Variants in SYCP1 observed in about 807,000 individuals in gnomAD.
The protein encoded by SYCP1 is cancer/testis antigen 8.
SYCP1 carries 64 observed loss-of-function variants against 153.1 expected under a neutral mutation model. That is an observed-to-expected ratio of 0.42 (90% confidence interval 0.34 to 0.51). The LOEUF (loss-of-function observed/expected upper bound fraction) is 0.51, where lower values mean the gene tolerates loss of function less well. Ranked by LOEUF, SYCP1 falls within the 20% of genes least tolerant of loss-of-function variation. The pLI is 0.06. For missense variants in SYCP1, 997 were observed against 1,049.0 expected, an observed-to-expected ratio of 0.95 and a Z score of 0.68; for synonymous variants, 384 against 341.8, an observed-to-expected ratio of 1.12 and a Z score of -1.36.
intron 23 of SYCP1, among the ~76,000 whole-genome samples, chr1:114,937,204 C>T (rs1670073248): frequency 6.6e-6 from 1 of 151,952 alleles, no homozygotes; most frequent in South Asian, 2.1e-4. Flanking sequence ...GAGATATAGA[C>T]CAATGGAACA....
chr1:114,994,235 A>G (rs776145580), intron 30 of SYCP1, among the ~76,000 whole-genome samples: 5 of 151,458 alleles, frequency 3.3e-5, no homozygotes, highest in Non-Finnish European at 5.9e-5. Context: ...CTGAGTATAT[A>G]TCCAGAAGTG....
In SYCP1 at chr1:114,946,362, C is replaced by A. The variant is rs566934660; in HGVS notation, c.2228C>A (p.Ser743Ter). The A allele has an allele frequency of 1.9e-6, 3 of 1,587,136 alleles. No individual in the cohort carries two copies. Among genetic ancestry groups the A allele is most frequent in the South Asian group, 2.3e-5 (2 of 87,278 alleles). The stretch of plus-strand genomic sequence containing the variant: ...TATAAGAGCAAAGAACAAGAACAGT[C>A]ATCACTGAGAGCATCTTTGGTGAGA... ...GLYKSKEQEQ[S>*]SLRASLEIEL... Residue 743 changes from serine to a stop codon, truncating the protein, a stop_gained, in exon 26 of 32, where the codon TCA (serine) becomes TAA (stop). Coordinates refer to ENST00000369522, the MANE Select transcript of SYCP1 (RefSeq NM_003176.4). LOFTEE classifies it high-confidence loss of function.
chr1:114,925,240 A>G (rs1282334463), intron 21 of SYCP1, among the ~76,000 whole-genome samples: 1 of 152,154 alleles, frequency 6.6e-6, no homozygotes, highest in Non-Finnish European at 1.5e-5. Flanking sequence ...GTAATTCACT[A>G]CTTTAAAATT....
intron 27 of SYCP1, among the ~76,000 whole-genome samples, chr1:114,976,329 T>C (rs540294165): frequency 6.6e-6 from 1 of 151,824 alleles, no homozygotes; most frequent in Non-Finnish European, 1.5e-5. Flanking sequence ...CAGGCCGTAT[T>C]ATAGGAATAT....
rs773460412 is a variant in SYCP1 at position 114,944,459 on chromosome 1, G to A, written c.2043+4G>A. The A allele has an allele frequency of 1.3e-6, 2 of 1,518,854 alleles. No homozygotes were observed. Among genetic ancestry groups the A allele is most frequent in the African/African-American group, 1.4e-5 (1 of 71,782 alleles). The allele number at this position is 1,518,854 out of a possible 1,614,324, so 94.1% of individuals were successfully genotyped here. A position where few individuals can be genotyped will look rare whatever the true frequency, so the allele number is the denominator to read the frequency against. ...AGAAGAAAATCTTTTGGAAGAGGTG[G>A]GAAAAACTTAATGTATTAAGAACTT... On this transcript the variant is annotated splice_donor_region_variant and intron_variant, in intron 24 of 31. Transcript: ENST00000369522.
At chr1:114,912,039 C>A (rs2101675656) in intron 18 of SYCP1, among the ~76,000 whole-genome samples, 1 of 152,018 alleles carries the variant, frequency 6.6e-6, no homozygotes, top group Middle Eastern at 3.4e-3. Context: ...TATTATTACT[C>A]AGAGAAAAGT....
intron 27 of SYCP1, among the ~76,000 whole-genome samples, chr1:114,961,970 A>G (rs1287814530): frequency 3.5e-5 from 5 of 143,344 alleles, no homozygotes; most frequent in African/African-American, 7.8e-5. Context: ...TTGTGTTGCC[A>G]TCTATCTTTT....
chr1:114,958,484 G>A (rs986361586), intron 27 of SYCP1, among the ~76,000 whole-genome samples: 13 of 151,904 alleles, frequency 8.6e-5, no homozygotes, highest in African/African-American at 3.1e-4. Flanking sequence ...TGAGATGATA[G>A]ATATCCTAAT....
chr1:114,855,459 G>A lies in SYCP1; in HGVS notation c.-6G>A. 6.2e-7 allele frequency: 1 copy of A among 1,607,202 alleles called. No individual in the cohort carries two copies. Among genetic ancestry groups the A allele is most frequent in the Non-Finnish European group, 8.5e-7 (1 of 1,176,410 alleles). On this transcript the variant is annotated 5_prime_UTR_variant, in exon 2 of 32. Transcript: ENST00000369522. ...GCAGTAGATATTTACAACCGTAACAGAGAAAATGGAAAAGCAAAAGCCCTT... is the reference window on the plus strand; with the variant it reads ...GCAGTAGATATTTACAACCGTAACAAAGAAAATGGAAAAGCAAAAGCCCTT...
In SYCP1 at chr1:114,994,909, T is replaced by C; in HGVS notation, c.2821T>C (p.Ser941Pro). The C allele has an allele frequency of 6.2e-7, 1 of 1,607,356 alleles. No individual in the cohort carries two copies. Among genetic ancestry groups the C allele is most frequent in the Non-Finnish European group, 8.5e-7 (1 of 1,176,600 alleles). Reference protein sequence around the residue: ...KAPSSLTTPGSTLKFGAIRKM... With the variant: ...KAPSSLTTPGPTLKFGAIRKM... Reference sequence around the variant, plus strand: ...CCCTTCATCTCTAACAACCCCTGGATCTACACTGAAGTTTGGAGCTATAAG... The same window carrying C: ...CCCTTCATCTCTAACAACCCCTGGACCTACACTGAAGTTTGGAGCTATAAG... Residue 941 changes from serine (S) to proline (P), a missense_variant, in exon 32 of 32, where the codon TCT (serine) becomes CCT (proline). Ser to Pro is a moderately conservative substitution (Grantham distance 74). Around this residue, in one of 2 missense-constraint regions of SYCP1, gnomAD observed 712 missense variants for 682.9 expected, o/e 1.04. Transcript: ENST00000369522.
intron 8 of SYCP1, among the ~76,000 whole-genome samples, chr1:114,863,598 G>T (rs2101333499): frequency 6.6e-6 from 1 of 152,102 alleles, no homozygotes; most frequent in Non-Finnish European, 1.5e-5. Flanking sequence ...AGCATCTGTT[G>T]TTTCCTGGCA....
chr1:114,988,953 A>T (rs559793225), intron 30 of SYCP1, among the ~76,000 whole-genome samples: 3 of 152,064 alleles, frequency 2.0e-5, no homozygotes, highest in African/African-American at 2.4e-5. Context: ...AGGCTGAGGC[A>T]GGTGGAAGTT....
chr1:114,926,600 A>G (rs1196570250), intron 23 of SYCP1, 37 bp downstream of exon 23: 5 of 1,481,854 alleles, frequency 3.4e-6, no homozygotes, highest in Non-Finnish European at 4.6e-6. Flanking sequence ...TTAAATACTA[A>G]TAGATAGATG....
intron 23 of SYCP1, among the ~76,000 whole-genome samples, chr1:114,935,329 G>T (rs1669923519): frequency 9.0e-6 from 1 of 110,790 alleles, no homozygotes; most frequent in Admixed American, 8.8e-5. Flanking sequence ...CGAAATGAAG[G>T]CAGAAATAAA....
chr1:114,876,638 GATAA>G (rs528218206), intron 10 of SYCP1, 95 bp from the exon 11 acceptor site: 102 of 542,762 alleles, frequency 1.9e-4, no homozygotes, highest in South Asian at 8.6e-4. Context: ...ATAATTTAGA[GATAA>G]ATAAAGAGGT....
chr1:114,874,835 C>T (rs1453279890), intron 9 of SYCP1, among the ~76,000 whole-genome samples: 1 of 152,088 alleles, frequency 6.6e-6, no homozygotes, highest in Non-Finnish European at 1.5e-5. Flanking sequence ...GACACATAAC[C>T]ATTAATTTGA....
chr1:114,922,692 T>C (rs1235683654), intron 20 of SYCP1, among the ~76,000 whole-genome samples: 1 of 152,074 alleles, frequency 6.6e-6, no homozygotes, highest in Non-Finnish European at 1.5e-5. Flanking sequence ...CCAAACTGTA[T>C]CATTGCACTT....
At chr1:114,881,554 TCTCG>T (rs1413012870) in intron 12 of SYCP1, among the ~76,000 whole-genome samples, 1 of 151,804 alleles carries the variant, frequency 6.6e-6, no homozygotes, top group East Asian at 1.9e-4. Context: ...CTTGATGGAG[TCTCG>T]CTCTGTTGCC....
At chr1:114,985,424 T>A (rs1673435074) in intron 30 of SYCP1, among the ~76,000 whole-genome samples, 1 of 151,990 alleles carries the variant, frequency 6.6e-6, no homozygotes, top group Non-Finnish European at 1.5e-5. Flanking sequence ...CATATACCAC[T>A]GTTTTCTGAA....
Sources: allele counts gnomAD v4.1 joint callset (sites outside exome capture counted in the v4.1 genomes callset), GRCh38; gene constraint gnomAD v4.1.1; regional missense constraint gnomAD v4.1.1; transcripts MANE v1.5; gene names NCBI Gene and HGNC (gene_info 2026-07-23, HGNC 2026-07-21).